Variants in RPS6KC1 observed in about 807,000 individuals in gnomAD.
The protein encoded by RPS6KC1 is ribosomal protein S6 kinase C1.
Under a neutral mutation model 103.8 loss-of-function variants are expected in RPS6KC1, and 54 were observed. That is an observed-to-expected ratio of 0.52 (90% confidence interval 0.42 to 0.65). The LOEUF is 0.65. RPS6KC1 is among the 30% of genes least tolerant of loss of function. RPS6KC1 has a pLI of 0.00. For synonymous variants in RPS6KC1, 439 were observed against 438.7 expected (o/e 1.00, Z -0.01); for missense variants, 1,151 against 1,253.8 (o/e 0.92, Z 1.24).
chr1:213,414,600 GCC>G, the RPS6KC1 span, among the ~76,000 whole-genome samples: 1 of 152,180 alleles, frequency 6.6e-6, no homozygotes, highest in African/African-American at 2.4e-5. Context: ...GGAGGGACCA[GCC>G]CCTTCTGACC....
intron 12 of RPS6KC1, among the ~76,000 whole-genome samples, chr1:213,249,537 A>G (rs1312773367): frequency 6.6e-6 from 1 of 152,226 alleles, no homozygotes; most frequent in Non-Finnish European, 1.5e-5. Flanking sequence ...AGAGAGCGCA[A>G]GCAAGCGAGA....
In RPS6KC1 at chr1:213,242,033, T is replaced by C. The variant is rs1281380522; in HGVS notation, c.2557T>C (p.Leu853=). 3 of 1,613,936 alleles carry C rather than the reference T, an allele frequency of 1.9e-6. No homozygotes were observed. The African/African-American group carries it at 4.0e-5, about 22-fold the overall frequency. The change falls in exon 11 of 15, where the codon TTG becomes CTG. Residue 853 remains leucine (L), a synonymous_variant. Coordinates refer to ENST00000366960, the MANE Select transcript of RPS6KC1 (RefSeq NM_012424.6). ...VLLFTDQTDD[L]AKEEPTSLFQ... is the part of the protein sequence containing the mutation. ...GCTGTTTACAGATCAGACTGATGAT[T>C]TGGCTAAAGAGGAACCAACTTCTTT...
the RPS6KC1 span, among the ~76,000 whole-genome samples, chr1:213,813,152 G>A: frequency 6.6e-6 from 1 of 152,204 alleles, no homozygotes; most frequent in East Asian, 2.0e-4. Context: ...TTGGGAGGCT[G>A]AGGCAGGAGA....
chr1:213,804,187 A>AAC, the RPS6KC1 span, among the ~76,000 whole-genome samples: 2 of 150,076 alleles, frequency 1.3e-5, no homozygotes, highest in African/African-American at 4.9e-5. Context: ...AAAAAAAAAA[A>AAC]AAAAAAAAAA....
At chr1:213,518,967 C>T in the RPS6KC1 span, among the ~76,000 whole-genome samples, 11 of 152,112 alleles carry the variant, frequency 7.2e-5, no homozygotes, top group African/African-American at 2.7e-4. Flanking sequence ...ATATCTCAGA[C>T]GACCCATTCA....
At chr1:213,388,040 C>G in the RPS6KC1 span, among the ~76,000 whole-genome samples, 20 of 152,380 alleles carry the variant, frequency 1.3e-4, no homozygotes, top group Non-Finnish European at 2.5e-4. Flanking sequence ...TAATCTCAGG[C>G]TGAGTTGTCC....
intron 8 of RPS6KC1, among the ~76,000 whole-genome samples, chr1:213,178,116 TTTG>T (rs2092003098): frequency 6.7e-6 from 1 of 149,954 alleles, no homozygotes; most frequent in Admixed American, 6.7e-5. Flanking sequence ...GCCTGGGGAG[TTTG>T]AGGCTGCCGT....
At chr1:213,572,902 C>G in the RPS6KC1 span, among the ~76,000 whole-genome samples, 4 of 152,194 alleles carry the variant, frequency 2.6e-5, no homozygotes, top group Non-Finnish European at 5.9e-5. Context: ...TAGGAACTAA[C>G]AAAAACATGT....
chr1:213,744,892 G>T, the RPS6KC1 span, among the ~76,000 whole-genome samples: 1 of 152,210 alleles, frequency 6.6e-6, no homozygotes, highest in Admixed American at 6.5e-5. Context: ...CAGCTGCCTG[G>T]GGGGAACAGG....
At chr1:213,203,885 G>C (rs141406953) in intron 8 of RPS6KC1, among the ~76,000 whole-genome samples, 1 of 152,164 alleles carries the variant, frequency 6.6e-6, no homozygotes, top group African/African-American at 2.4e-5. Flanking sequence ...CTGTTAATTA[G>C]CGGGATGTCC....
chr1:213,678,678 AT>A, the RPS6KC1 span, among the ~76,000 whole-genome samples: 1 of 152,176 alleles, frequency 6.6e-6, no homozygotes, highest in South Asian at 2.1e-4. Context: ...AGTCTGCATT[AT>A]TTTATAAGTG....
intron 6 of RPS6KC1, among the ~76,000 whole-genome samples, chr1:213,146,601 ATTT>A (rs1340616657): frequency 6.6e-6 from 1 of 151,210 alleles, no homozygotes; most frequent in African/African-American, 2.4e-5. Context: ...AATTTTTTGT[ATTT>A]TTAGTAGAGA....
At chr1:213,442,764 G>A in the RPS6KC1 span, among the ~76,000 whole-genome samples, 1 of 152,036 alleles carries the variant, frequency 6.6e-6, no homozygotes, top group Non-Finnish European at 1.5e-5. Flanking sequence ...CTCTTTTCTC[G>A]GGAACTGCTC....
At chr1:213,455,848 A>G in the RPS6KC1 span, among the ~76,000 whole-genome samples, 4 of 152,232 alleles carry the variant, frequency 2.6e-5, no homozygotes, top group African/African-American at 9.6e-5. Context: ...TATTGCAGAT[A>G]TTTGAAAAGG....
chr1:213,148,435 T>G (rs977526095), intron 6 of RPS6KC1, among the ~76,000 whole-genome samples: 3 of 152,150 alleles, frequency 2.0e-5, no homozygotes, highest in Admixed American at 2.0e-4. Flanking sequence ...TTGAAATAAT[T>G]ATTTGGTTTT....
the RPS6KC1 span, among the ~76,000 whole-genome samples, chr1:213,479,452 T>G: frequency 2.5e-4 from 38 of 152,080 alleles, no homozygotes; most frequent in African/African-American, 9.2e-4. Flanking sequence ...TGTGTTTTCG[T>G]TTGTTTTTCT....
intron 7 of RPS6KC1, among the ~76,000 whole-genome samples, chr1:213,169,784 T>TC (rs959476628): frequency 6.8e-6 from 1 of 148,046 alleles, no homozygotes; most frequent in African/African-American, 2.5e-5. Flanking sequence ...TTTTTAAGTT[T>TC]TTTTTTTTTT....
the RPS6KC1 span, among the ~76,000 whole-genome samples, chr1:213,383,227 G>A: frequency 6.6e-6 from 1 of 152,186 alleles, no homozygotes; most frequent in Non-Finnish European, 1.5e-5. Context: ...GTTCACTGTC[G>A]ATGGAATGTG....
the RPS6KC1 span, among the ~76,000 whole-genome samples, chr1:213,290,854 TCTTGTA>T: frequency 6.6e-6 from 1 of 152,254 alleles, no homozygotes; most frequent in Middle Eastern, 3.4e-3. Flanking sequence ...TGACCACCTG[TCTTGTA>T]CTTATCCTGT....
Sources: gnomAD v4.1 joint callset for allele counts (sites outside exome capture counted in the v4.1 genomes callset) on GRCh38, gnomAD v4.1.1 for gene constraint, MANE v1.5 for transcripts, NCBI Gene and HGNC (gene_info 2026-07-23, HGNC 2026-07-21) for gene names.